KMT2E: variants seen among roughly 807,000 people sequenced by gnomAD.
KMT2E encodes the protein histone reader KMT2E.
A neutral mutation model predicts 184.6 loss-of-function variants in KMT2E; 30 were observed. The observed-to-expected ratio is 0.16, with a 90% CI of 0.12 to 0.22. The LOEUF (loss-of-function observed/expected upper bound fraction) is 0.22, where lower values mean the gene tolerates loss of function less well. KMT2E is among the 10% of genes least tolerant of loss of function. The pLI is 1.00. For synonymous variants in KMT2E, 815 were observed against 776.5 expected, an observed-to-expected ratio of 1.05 and a Z score of -0.82; for missense variants, 2,023 against 2,237.4, an observed-to-expected ratio of 0.90 and a Z score of 1.93.
intron 1 of KMT2E, among the ~76,000 whole-genome samples, chr7:105,032,950 A>G (rs920211851): frequency 2.6e-5 from 4 of 152,168 alleles, no homozygotes; most frequent in Admixed American, 6.5e-5. Context: ...TTAAGTCAGC[A>G]TTTTCTTTTA....
chr7:105,028,732 G>T (rs1795275486), intron 1 of KMT2E, among the ~76,000 whole-genome samples: 1 of 151,766 alleles, frequency 6.6e-6, no homozygotes. Context: ...TCTAATTCTT[G>T]AGCTCAAGTG....
chr7:105,017,351 G>A (rs892130059), intron 1 of KMT2E, among the ~76,000 whole-genome samples: 2 of 151,800 alleles, frequency 1.3e-5, no homozygotes, highest in Non-Finnish European at 2.9e-5. Flanking sequence ...CAGTTTACTA[G>A]CTTTCTTCAT....
chr7:105,111,135 G>T, intron 26 of KMT2E: 1 of 369,002 alleles, frequency 2.7e-6, no homozygotes, highest in Non-Finnish European at 4.9e-6. Flanking sequence ...CTCTATTCTA[G>T]TGGTGTCCAG....
At chr7:105,022,452 T>C (rs1013980503) in intron 1 of KMT2E, among the ~76,000 whole-genome samples, 7 of 152,216 alleles carry the variant, frequency 4.6e-5, no homozygotes, top group African/African-American at 1.7e-4. Context: ...ATTAGAAATA[T>C]GTGTTTTTCT....
chr7:105,016,118 A>C (rs1459647079), intron 1 of KMT2E, among the ~76,000 whole-genome samples: 1 of 152,216 alleles, frequency 6.6e-6, no homozygotes, highest in Non-Finnish European at 1.5e-5. Flanking sequence ...ATCTAGAGTA[A>C]GACATTTCCC....
intron 15 of KMT2E, chr7:105,091,625 C>G: frequency 6.8e-6 from 3 of 440,404 alleles, no homozygotes; most frequent in Non-Finnish European, 1.2e-5. Flanking sequence ...TTCAGAATGT[C>G]TTTTATTAGC....
intron 1 of KMT2E, among the ~76,000 whole-genome samples, chr7:105,016,983 TGGTG>T (rs1794741627): frequency 6.6e-6 from 1 of 152,162 alleles, no homozygotes; most frequent in South Asian, 2.1e-4. Context: ...AGTGAAATGT[TGGTG>T]GGTAGTGGGC....
chr7:105,080,491 G>T (rs186185016), intron 12 of KMT2E, among the ~76,000 whole-genome samples: 5 of 151,740 alleles, frequency 3.3e-5, no homozygotes, highest in Non-Finnish European at 7.4e-5. Flanking sequence ...TGCTTCAGCC[G>T]CCAGAGTAGC....
At position 105,113,597 on chromosome 7, in the gene KMT2E, G is replaced by T; in HGVS notation, c.*264G>T. On this transcript the variant is annotated 3_prime_UTR_variant, in exon 27 of 27. Transcript: ENST00000311117. The stretch of plus-strand genomic sequence containing the variant: ...ATCTGATGCTGATTTGATGCTGTAT[G>T]ATCTTTTTTTTTTTTTTAGTTAAAT... The T allele has an allele frequency of 6.5e-5, 17 of 261,418 alleles. No homozygotes were observed. The highest frequency in any genetic ancestry group is 1.6e-4 in the South Asian group (2 of 12,756). 16.2% of individuals were successfully genotyped at this position (261,418 alleles called of 1,614,324 possible). A position where few individuals can be genotyped will look rare whatever the true frequency, so the allele number is the denominator to read the frequency against.
chr7:105,044,552 C>G (rs1796019306), intron 3 of KMT2E, among the ~76,000 whole-genome samples: 1 of 152,130 alleles, frequency 6.6e-6, no homozygotes, highest in Admixed American at 6.5e-5. Flanking sequence ...GTTTGTGACA[C>G]TTAGATCAGT....
At chr7:105,069,684 A>G (rs1584755282) in intron 6 of KMT2E, among the ~76,000 whole-genome samples, 1 of 152,222 alleles carries the variant, frequency 6.6e-6, no homozygotes, top group South Asian at 2.1e-4. Context: ...GATATCTTTT[A>G]CCTGTTTTGC....
Position 105,112,149 on chromosome 7 carries a change from C to G in KMT2E, c.4393C>G (p.Leu1465Val). Residue 1465 changes from leucine (L) to valine (V), a missense_variant, in exon 27 of 27, where the codon CTT becomes GTT. Around this residue, in one of 8 missense-constraint regions of KMT2E, gnomAD observed 1,108 missense variants for 1,050.9 expected, o/e 1.05. Coordinates refer to ENST00000311117, the MANE Select transcript of KMT2E (RefSeq NM_182931.3). ...TPHTPVQHGYLSPKPPSQQLG... is the reference protein window; with the variant it reads ...TPHTPVQHGYVSPKPPSQQLG... ...TCACACACCTGTACAGCATGGTTAT[C>G]TTTCACCAAAGCCTCCTTCACAGCA... 1 of 1,614,158 alleles carries G rather than the reference C, an allele frequency of 6.2e-7. No homozygotes were observed. Among genetic ancestry groups the G allele is most frequent in the South Asian group, 1.1e-5 (1 of 91,080 alleles).
At position 105,107,840 on chromosome 7, in the gene KMT2E, G is replaced by T. The variant is rs750193814; in HGVS notation, c.3383G>T (p.Gly1128Val). 6.2e-7 allele frequency: 1 copy of T among 1,614,076 alleles called. No individual in the cohort carries two copies. The highest frequency in any genetic ancestry group is 1.7e-5 in the Admixed American group (1 of 60,004). ...ACTGTGTTTTGTACTTCCGAAGATGGGCTTGTATCTGGTTTCGGACGGACT... is the reference window on the plus strand; with the variant it reads ...ACTGTGTTTTGTACTTCCGAAGATGTGCTTGTATCTGGTTTCGGACGGACT... ...ETTVFCTSEDGLVSGFGRTVN... is the reference protein window; with the variant it reads ...ETTVFCTSEDVLVSGFGRTVN... The change falls in exon 22 of 27, where the codon GGG becomes GTG. Residue 1128 changes from glycine to valine, a missense_variant. By Grantham distance (109) the Gly-to-Val change is moderately radical. This residue lies in a region of KMT2E where 1,108 missense variants were observed against 1,050.9 expected (regional missense o/e 1.05). Transcript: ENST00000311117.
chr7:105,046,898 A>G (rs749382674), intron 3 of KMT2E, among the ~76,000 whole-genome samples: 5 of 152,240 alleles, frequency 3.3e-5, no homozygotes, highest in African/African-American at 1.2e-4. Flanking sequence ...TGTGATCCCA[A>G]GACCGTCCAC....
intron 1 of KMT2E, among the ~76,000 whole-genome samples, chr7:105,035,175 C>G (rs899971059): frequency 6.6e-6 from 1 of 151,828 alleles, no homozygotes; most frequent in African/African-American, 2.4e-5. Flanking sequence ...CAGGCGCCCA[C>G]CACCAAGCCT....
chr7:105,070,973 A>G (rs1797260020), intron 6 of KMT2E, among the ~76,000 whole-genome samples: 1 of 152,216 alleles, frequency 6.6e-6, no homozygotes, highest in Non-Finnish European at 1.5e-5. Context: ...TCAAATATGT[A>G]AAGCAAGGTA....
At chr7:105,062,113 A>G in intron 3 of KMT2E, 51 bp from the exon 4 acceptor site, 2 of 1,141,220 alleles carry the variant, frequency 1.8e-6, no homozygotes, top group East Asian at 4.7e-5. Context: ...AAATTGATTA[A>G]GAGGAAAAAA....
chr7:105,037,862 T>G (rs1297053309), intron 1 of KMT2E, among the ~76,000 whole-genome samples: 1 of 97,570 alleles, frequency 1.0e-5, no homozygotes, highest in Non-Finnish European at 1.9e-5. Context: ...AAATTTATTT[T>G]TCAGTTAAAC....
intron 1 of KMT2E, among the ~76,000 whole-genome samples, chr7:105,019,736 C>T (rs967261363): frequency 1.3e-5 from 2 of 152,078 alleles, no homozygotes; most frequent in African/African-American, 4.8e-5. Flanking sequence ...TTCTTAGCAC[C>T]TCTTAGGCTG....
Sources: allele counts gnomAD v4.1 joint callset (sites outside exome capture counted in the v4.1 genomes callset), GRCh38; gene constraint gnomAD v4.1.1; regional missense constraint gnomAD v4.1.1; transcripts MANE v1.5; gene names NCBI Gene and HGNC (gene_info 2026-07-23, HGNC 2026-07-21).